NDUFS2: variants seen among roughly 807,000 people sequenced by gnomAD.
NDUFS2 encodes the protein NADH dehydrogenase [ubiquinone] iron-sulfur protein 2, mitochondrial.
In NDUFS2, 38 loss-of-function variants were observed where a neutral mutation model predicts 69.6. The ratio of observed to expected loss-of-function variants is 0.55; its 90% CI spans 0.42 to 0.72. NDUFS2 has a LOEUF of 0.72. Among genes scored for constraint, NDUFS2 ranks in the 30% least tolerant of loss-of-function variants. The pLI is 0.00. For missense variants in NDUFS2, 468 were observed against 595.0 expected (o/e 0.79, Z 2.22); for synonymous variants, 194 against 211.2 (o/e 0.92, Z 0.70).
At chr1:161,204,536 C>T (rs558881761) in intron 2 of NDUFS2, among the ~76,000 whole-genome samples, 30 of 152,298 alleles carry the variant, frequency 2.0e-4, no homozygotes, top group Admixed American at 1.5e-3. Context: ...TTCCATCTAT[C>T]CTATACAGTG....
chr1:161,199,805 T>A (rs1041957879), upstream of NDUFS2, among the ~76,000 whole-genome samples: 4 of 150,798 alleles, frequency 2.7e-5, no homozygotes, highest in African/African-American at 9.8e-5. Flanking sequence ...TCCCTCAGGA[T>A]CCCCCTTCCT....
intron 9 of NDUFS2, 69 bp from the exon 10 acceptor site, chr1:161,212,282 G>T: frequency 6.2e-7 from 1 of 1,604,590 alleles, no homozygotes; most frequent in Non-Finnish European, 8.5e-7. Context: ...GTTGGCCAAA[G>T]GGCATCCTTC....
At chr1:161,198,865 C>T, upstream of NDUFS2, 1 of 459,596 alleles carries the variant, frequency 2.2e-6, no homozygotes, top group Non-Finnish European at 3.8e-6. The surrounding 1 kb of genome is among the most constrained non-coding windows in gnomAD (Gnocchi z 4.7). Context: ...GCCCTCCTTT[C>T]CTGGATCTTT....
intron 8 of NDUFS2, 39 bp from the exon 9 acceptor site, chr1:161,210,552 T>G: frequency 6.2e-7 from 1 of 1,613,988 alleles, no homozygotes; most frequent in Non-Finnish European, 8.5e-7. Context: ...TTACTTAGTT[T>G]GTGGAGAGTG....
In NDUFS2 at chr1:161,213,844, T is replaced by C; in HGVS notation, c.1297-20T>C. On this transcript the variant is annotated intron_variant, in intron 12 of 13. Transcript: ENST00000676972. The stretch of plus-strand genomic sequence containing the variant: ...CCTTGCAAGTCTTAACTAACATTGT[T>C]GCCATCTCAATCTCCCTAGGCTGGT... The C allele has an allele frequency of 6.2e-7, 1 of 1,613,974 alleles. No homozygotes were observed. Among genetic ancestry groups the C allele is most frequent in the South Asian group, 1.1e-5 (1 of 91,080 alleles).
intron 9 of NDUFS2, 145 bp downstream of exon 9, chr1:161,210,855 T>C: frequency 8.0e-7 from 1 of 1,243,138 alleles, no homozygotes; most frequent in South Asian, 1.3e-5. Flanking sequence ...CAAAACACTT[T>C]CACATATATG....
chr1:161,203,092 A>G (rs1665241647), intron 1 of NDUFS2, among the ~76,000 whole-genome samples: 1 of 152,128 alleles, frequency 6.6e-6, no homozygotes, highest in South Asian at 2.1e-4. Context: ...AGATCATCTG[A>G]GGTCGGGAGT....
Position 161,212,694 on chromosome 1 carries a change from A to G in NDUFS2, c.1116+214A>G, listed in dbSNP as rs2501876. The G allele has an allele frequency of 0.65, 307,769 of 472,312 alleles. 104,501 individuals carry two copies. Among genetic ancestry groups the G allele is most frequent in the African/African-American group, 0.92 (45,647 of 49,878 alleles). 29.3% of individuals were successfully genotyped at this position (472,312 alleles called of 1,614,324 possible). ...TCTGCCTCAGCCTCCCAAGTAGCTG[A>G]GATTACAGGCGTGTGCCACTACGCC... On this transcript the variant is annotated intron_variant, in intron 10 of 13. Coordinates refer to ENST00000676972, the MANE Select transcript of NDUFS2 (RefSeq NM_001377299.1).
At position 161,206,400 on chromosome 1, in the gene NDUFS2, T is replaced by A; in HGVS notation, c.203-7T>A. 6.2e-7 allele frequency: 1 copy of A among 1,614,214 alleles called. No homozygotes were observed. The highest frequency in any genetic ancestry group is 1.1e-5 in the South Asian group (1 of 91,086). On this transcript the variant is annotated splice_polypyrimidine_tract_variant and splice_region_variant and intron_variant, in intron 2 of 13. Coordinates refer to ENST00000676972, the MANE Select transcript of NDUFS2 (RefSeq NM_001377299.1). ...CATGTGGCTCTGAACTATTTCTTAC[T>A]TCTCAGATGTGGACCCTCCAAAGGA... is the stretch of plus-strand genomic sequence containing the variant.
At chr1:161,206,755 G>A (rs892698376) in intron 3 of NDUFS2, among the ~76,000 whole-genome samples, 158 bp downstream of exon 3, 2 of 152,174 alleles carry the variant, frequency 1.3e-5, no homozygotes, top group African/African-American at 4.8e-5. Context: ...GAAGTGGCAG[G>A]GGATGCTTGA....
upstream of NDUFS2, chr1:161,198,356 G>A (rs200875213): frequency 2.7e-5 from 44 of 1,613,188 alleles, no homozygotes; most frequent in East Asian, 3.3e-4. The surrounding 1 kb of genome is among the most constrained non-coding windows in gnomAD (Gnocchi z 4.7). Flanking sequence ...TAGTAGCAGC[G>A]TCTCCCCAAA....
intron 10 of NDUFS2, 56 bp from the exon 11 acceptor site, chr1:161,213,324 C>A: frequency 8.6e-7 from 1 of 1,166,070 alleles, no homozygotes; most frequent in Non-Finnish European, 1.3e-6. Context: ...CTGGGGGAGG[C>A]CTAGGAGACA....
chr1:161,202,089 GAGAGCACGA>G (rs1665157557), upstream of NDUFS2: 2 of 497,218 alleles, frequency 4.0e-6, no homozygotes, highest in Non-Finnish European at 7.4e-6. Context: ...GGCTCGGCGA[GAGAGCACGA>G]AGTATCTGCC....
At chr1:161,213,613 T>C in intron 11 of NDUFS2, 36 bp from the exon 12 acceptor site, 1 of 1,606,074 alleles carries the variant, frequency 6.2e-7, no homozygotes, top group Non-Finnish European at 8.5e-7. Flanking sequence ...ATACTCTTCA[T>C]GTTAATACAG....
intron 9 of NDUFS2, among the ~76,000 whole-genome samples, chr1:161,211,480 C>A (rs1558086052): frequency 6.6e-6 from 1 of 152,102 alleles, no homozygotes; most frequent in Non-Finnish European, 1.5e-5. Context: ...GAAACCCCAT[C>A]TCTACTAAAA....
At chr1:161,205,987 G>A (rs1219089392) in intron 2 of NDUFS2, among the ~76,000 whole-genome samples, 2 of 152,116 alleles carry the variant, frequency 1.3e-5, no homozygotes, top group African/African-American at 4.8e-5. Flanking sequence ...AGTCATTTAA[G>A]CTCCATGGCC....
At chr1:161,210,262 T>C (rs374901170) in intron 7 of NDUFS2, 42 bp from the exon 8 acceptor site, 1 of 1,609,750 alleles carries the variant, frequency 6.2e-7, no homozygotes, top group East Asian at 2.2e-5. Context: ...ATTTGAAGAG[T>C]GTGAGGAAGA....
chr1:161,212,619 G>C, intron 10 of NDUFS2, 139 bp downstream of exon 10: 1 of 1,149,762 alleles, frequency 8.7e-7, no homozygotes, highest in Non-Finnish European at 1.2e-6. Flanking sequence ...CCAGACTGGA[G>C]TGCAATCTCG....
At chr1:161,211,995 C>T (rs1178005777) in intron 9 of NDUFS2, among the ~76,000 whole-genome samples, 8 of 151,974 alleles carry the variant, frequency 5.3e-5, no homozygotes, top group Admixed American at 5.2e-4. Flanking sequence ...CAGGCAGTCG[C>T]TTGAGCTCAG....
Sources: allele counts gnomAD v4.1 joint callset (sites outside exome capture counted in the v4.1 genomes callset), GRCh38; gene constraint gnomAD v4.1.1; non-coding constraint Gnocchi (gnomAD v3.1); transcripts MANE v1.5; gene names NCBI Gene and HGNC (gene_info 2026-07-23, HGNC 2026-07-21).